Variants in CUX2 observed in about 807,000 individuals in gnomAD.
The protein encoded by CUX2 is homeobox protein cut-like 2.
Under a neutral mutation model 144.8 loss-of-function variants are expected in CUX2, and 40 were observed. The ratio of observed to expected loss-of-function variants is 0.28; its 90% CI spans 0.21 to 0.36. The LOEUF (loss-of-function observed/expected upper bound fraction) is 0.36, where lower values mean the gene tolerates loss of function less well. Ranked by LOEUF, CUX2 falls within the 10% of genes least tolerant of loss-of-function variation. The pLI, the probability that CUX2 is intolerant of heterozygous loss-of-function variation, is 1.00. For missense variants in CUX2, 1,615 were observed against 1,994.0 expected (o/e 0.81, Z 3.62); for synonymous variants, 827 against 875.6 (o/e 0.94, Z 0.98).
intron 1 of CUX2, among the ~76,000 whole-genome samples, chr12:111,153,992 T>C (rs1308562067): frequency 6.6e-6 from 1 of 152,132 alleles, no homozygotes; most frequent in African/African-American, 2.4e-5. Flanking sequence ...TTCCCCCTTT[T>C]TACAAAGACA....
Position 111,246,048 on chromosome 12 carries a change from C to A in CUX2, c.223-17713C>A, listed in dbSNP as rs1883266112. On this transcript the variant is annotated intron_variant, in intron 3 of 21. Coordinates refer to ENST00000261726, the MANE Select transcript of CUX2 (RefSeq NM_015267.4). This position sits in a 1 kb window ranked among gnomAD's most constrained non-coding sequence, Gnocchi z 4.0. ...CAGCTCATTTCAGGAGCTGAGAGCA[C>A]AAACTTCAGGGCCAAGCTGCTCTGT... is the stretch of plus-strand genomic sequence containing the variant. Among the ~76,000 whole-genome samples, 1 of 152,172 alleles carries A rather than the reference C, an allele frequency of 6.6e-6. No individual in the cohort carries two copies. The highest frequency in any genetic ancestry group is 1.5e-5 in the Non-Finnish European group (1 of 68,040).
intron 1 of CUX2, among the ~76,000 whole-genome samples, chr12:111,184,543 C>T (rs778231308): frequency 2.0e-4 from 29 of 145,246 alleles, no homozygotes; most frequent in Non-Finnish European, 3.6e-4. Context: ...ACACTGTCAG[C>T]CTAGGCAACA....
chr12:111,151,224 A>C (rs1877032446), intron 1 of CUX2, among the ~76,000 whole-genome samples: 1 of 152,216 alleles, frequency 6.6e-6, no homozygotes, highest in Admixed American at 6.5e-5. Context: ...TTCCGGTTTC[A>C]TGGGTAATTT....
chr12:111,122,229 G>A (rs964855912), intron 1 of CUX2, among the ~76,000 whole-genome samples: 4 of 151,916 alleles, frequency 2.6e-5, no homozygotes, highest in African/African-American at 4.8e-5. Context: ...TCCCCCACCC[G>A]TCCTCCATGA....
In CUX2 at chr12:111,316,448, T is replaced by A. The variant is rs543887540; in HGVS notation, c.2003-3564T>A. The stretch of plus-strand genomic sequence containing the variant: ...CGCTTGAGCCACCGCGCCCGGCACT[T>A]CTTTTTTTTTTTTTTTTTTGACAGA... On this transcript the variant is annotated intron_variant, in intron 16 of 21. Coordinates refer to ENST00000261726, the MANE Select transcript of CUX2 (RefSeq NM_015267.4). 2.6e-4 allele frequency among the ~76,000 whole-genome samples: 30 copies of A among 116,278 alleles called. No homozygotes were observed. In the South Asian group the frequency reaches 9.4e-3, roughly 36 times the overall value. 76.3% of individuals were successfully genotyped at this position (116,278 alleles called of 152,430 possible). A position where few individuals can be genotyped will look rare whatever the true frequency, so the allele number is the denominator to read the frequency against.
intron 1 of CUX2, among the ~76,000 whole-genome samples, chr12:111,199,630 T>C (rs1880450658): frequency 6.6e-6 from 1 of 152,186 alleles, no homozygotes; most frequent in Non-Finnish European, 1.5e-5. Flanking sequence ...CGGTCTGTCA[T>C]GCTCAGGTTT....
At position 111,312,041 on chromosome 12, in the gene CUX2, G is replaced by C; in HGVS notation, c.1901-59G>C. ...GGAGACAGCCCCCCTACCCCACCAG[G>C]CTCCGGAGACTGAGCCCAACATGCA... On this transcript the variant is annotated intron_variant, in intron 15 of 21. Transcript: ENST00000261726. The surrounding 1 kb of genome is among the most constrained non-coding windows in gnomAD (Gnocchi z 4.3). 6.7e-7 allele frequency: 1 copy of C among 1,495,742 alleles called. No homozygotes were observed. Among genetic ancestry groups the C allele is most frequent in the Non-Finnish European group, 9.2e-7 (1 of 1,089,314 alleles). The allele number at this position is 1,495,742 out of a possible 1,614,324, so 92.7% of individuals were successfully genotyped here. A position where few individuals can be genotyped will look rare whatever the true frequency, so the allele number is the denominator to read the frequency against.
intron 1 of CUX2, among the ~76,000 whole-genome samples, chr12:111,087,312 GAGCCA>G (rs1182617092): frequency 7.2e-6 from 1 of 137,942 alleles, no homozygotes; most frequent in Admixed American, 7.9e-5. Context: ...AGGTTGCAGT[GAGCCA>G]AGATCGTGCC....
At position 111,328,295 on chromosome 12, in the gene CUX2, G is replaced by T. The variant is rs145336191; in HGVS notation, c.2926+5715G>T. ...GCTTGTGTATGCCCTGGCCACTGGGGCGGGCAGGGACCGGCACTGGAACCC... is the reference window on the plus strand; with the variant it reads ...GCTTGTGTATGCCCTGGCCACTGGGTCGGGCAGGGACCGGCACTGGAACCC... On this transcript the variant is annotated intron_variant, in intron 18 of 21. Coordinates refer to ENST00000261726, the MANE Select transcript of CUX2 (RefSeq NM_015267.4). Among the ~76,000 whole-genome samples the T allele has an allele frequency of 1.0e-3, 154 of 152,312 alleles. 1 individual carries two copies. Among genetic ancestry groups the T allele is most frequent in the African/African-American group, 3.5e-3 (144 of 41,566 alleles).
At chr12:111,043,164 T>G (rs1869830607) in intron 1 of CUX2, among the ~76,000 whole-genome samples, 1 of 152,204 alleles carries the variant, frequency 6.6e-6, no homozygotes, top group Admixed American at 6.5e-5. Flanking sequence ...GTGCCAGCTC[T>G]CTCAGAGCCC....
At chr12:111,214,681 C>T (rs1012209584) in intron 2 of CUX2, among the ~76,000 whole-genome samples, 4 of 152,324 alleles carry the variant, frequency 2.6e-5, no homozygotes, top group Middle Eastern at 3.4e-3. Context: ...CAGCCGTCGA[C>T]TCTCTAACAC....
intron 9 of CUX2, among the ~76,000 whole-genome samples, chr12:111,303,146 G>C (rs1005331393): frequency 6.8e-6 from 1 of 147,798 alleles, no homozygotes; most frequent in Non-Finnish European, 1.5e-5. Context: ...AATTGATCCC[G>C]GGAGTTGGAG....
intron 3 of CUX2, among the ~76,000 whole-genome samples, chr12:111,227,817 C>G (rs1305952731): frequency 1.3e-5 from 2 of 152,122 alleles, no homozygotes; most frequent in African/African-American, 4.8e-5. Flanking sequence ...CTCCAGAGAC[C>G]TTTATTTCGC....
intron 1 of CUX2, among the ~76,000 whole-genome samples, chr12:111,113,664 C>T (rs1874118375): frequency 6.6e-6 from 1 of 152,208 alleles, no homozygotes; most frequent in Non-Finnish European, 1.5e-5. Context: ...AAGTGATTCT[C>T]CTGCCTCAGC....
intron 1 of CUX2, among the ~76,000 whole-genome samples, chr12:111,082,462 T>C (rs1439967980): frequency 6.6e-6 from 1 of 152,176 alleles, no homozygotes; most frequent in Non-Finnish European, 1.5e-5. Context: ...GCCTACGGTG[T>C]GCCAAGGACC....
Position 111,165,503 on chromosome 12 carries a change from A to G in CUX2, c.64-48697A>G, listed in dbSNP as rs992986909. On this transcript the variant is annotated intron_variant, in intron 1 of 21. Transcript: ENST00000261726. The stretch of plus-strand genomic sequence containing the variant: ...ATGGCGGGGAATTTGGGCCACGTGC[A>G]GAGAACATGAACTTTAAAATCCACA... 2.0e-5 allele frequency among the ~76,000 whole-genome samples: 3 copies of G among 152,240 alleles called. 1 individual carries two copies. The highest frequency in any genetic ancestry group is 4.4e-5 in the Non-Finnish European group (3 of 68,044).
rs534383382 is a variant in CUX2 at position 111,069,732 on chromosome 12, A to G, written c.63+35492A>G. On this transcript the variant is annotated intron_variant, in intron 1 of 21. Transcript: ENST00000261726. The stretch of plus-strand genomic sequence containing the variant: ...TGTCTTAATCTCTTATTAGAAGGAC[A>G]CCCATCAGATTGAATTAGGGCCCAC... 1.2e-3 allele frequency among the ~76,000 whole-genome samples: 189 copies of G among 151,944 alleles called. 1 individual carries two copies. Among genetic ancestry groups the G allele is most frequent in the African/African-American group, 4.3e-3 (176 of 41,404 alleles).
At chr12:111,274,875 C>T (rs769510160) in intron 4 of CUX2, among the ~76,000 whole-genome samples, 2 of 151,482 alleles carry the variant, frequency 1.3e-5, no homozygotes, top group Non-Finnish European at 2.9e-5. Context: ...AAAAAAGCTC[C>T]AAATGCCACT....
rs928203601 is a variant in CUX2 at position 111,347,504 on chromosome 12, C to G, written c.3660-20C>G. On this transcript the variant is annotated intron_variant, in intron 21 of 21. Transcript: ENST00000261726. ...GGAGTCCCCTGTCCAGCCCCAGGCT[C>G]ACCGCCGTCTCTGCCCCAGGTCCCG... The G allele has an allele frequency of 1.9e-6, 3 of 1,564,308 alleles. No homozygotes were observed. Among genetic ancestry groups the G allele is most frequent in the Non-Finnish European group, 2.6e-6 (3 of 1,158,584 alleles).
Sources: allele counts gnomAD v4.1 joint callset (sites outside exome capture counted in the v4.1 genomes callset), GRCh38; gene constraint gnomAD v4.1.1; non-coding constraint Gnocchi (gnomAD v3.1); transcripts MANE v1.5; gene names NCBI Gene and HGNC (gene_info 2026-07-23, HGNC 2026-07-21).